USH2A: variants seen among roughly 807,000 people sequenced by gnomAD.
USH2A encodes the protein usherin, also known as Usher syndrome 2A (autosomal recessive, mild).
USH2A carries 443 observed loss-of-function variants against 538.9 expected under a neutral mutation model. The observed-to-expected ratio is 0.82, with a 90% CI of 0.76 to 0.89. The LOEUF (loss-of-function observed/expected upper bound fraction) is 0.89. USH2A is among the 40% of genes least tolerant of loss of function. The probability of loss-of-function intolerance (pLI) is 0.00; values close to 1 mark genes in which losing one functional copy is unlikely to be tolerated. For missense variants in USH2A, 6,633 were observed against 6,324.8 expected (o/e 1.05, Z -1.65); for synonymous variants, 2,413 against 2,273.5 (o/e 1.06, Z -1.75).
At chr1:216,113,137 T>TAAAAAAAAAAAAAAAA (rs71159901) in intron 21 of USH2A, among the ~76,000 whole-genome samples, 3 of 127,582 alleles carry the variant, frequency 2.4e-5, no homozygotes, top group Non-Finnish European at 1.7e-5. Flanking sequence ...CTCCAAATGA[T>TAAAAAAAAAAAAAAAA]AAAAAAAAAA....
chr1:216,421,307 GT>G (rs1268344272), intron 2 of USH2A, among the ~76,000 whole-genome samples: 1 of 152,068 alleles, frequency 6.6e-6, no homozygotes. Context: ...AAAGCTATAT[GT>G]TTTTAGAGAT....
At position 215,743,258 on chromosome 1, in the gene USH2A, C is replaced by T. The variant is rs142481947; in HGVS notation, c.11467G>A (p.Val3823Ile). 2.0e-4 allele frequency: 329 copies of T among 1,611,654 alleles called. No homozygotes were observed. In the African/African-American group the frequency reaches 3.6e-3, roughly 18 times the overall value. The change falls in exon 59 of 72, where the codon GTT (valine) becomes ATT (isoleucine). Residue 3823 changes from valine (V) to isoleucine (I), a missense_variant. Val to Ile is a conservative substitution (Grantham distance 29, BLOSUM62 3). Transcript: ENST00000307340. ...AGAAGGGTGGATTGATGATGACCAA[C>T]GGAGAAGGCCAGAGGTGTTACACTT... ...DGSVTPLAFS[V>I]GHHQSTLLEN...
chr1:216,066,862 C>T (rs572171638), intron 30 of USH2A, among the ~76,000 whole-genome samples: 34 of 152,212 alleles, frequency 2.2e-4, no homozygotes, highest in South Asian at 1.2e-3. Flanking sequence ...GGAACTTATC[C>T]ACAGGGAAGG....
chr1:215,637,563 C>A (rs1656534138), intron 69 of USH2A, among the ~76,000 whole-genome samples: 1 of 152,116 alleles, frequency 6.6e-6, no homozygotes, highest in South Asian at 2.1e-4. Flanking sequence ...GAGTTGCTAA[C>A]AGAATACTAA....
intron 23 of USH2A, 118 bp from the exon 24 acceptor site, chr1:216,086,938 C>T: frequency 1.3e-6 from 1 of 741,586 alleles, no homozygotes; most frequent in Non-Finnish European, 2.4e-6. Flanking sequence ...TTTCCTCTCT[C>T]CTCATTGCCT....
At chr1:215,911,389 A>G (rs1665777816) in intron 38 of USH2A, among the ~76,000 whole-genome samples, 1 of 151,432 alleles carries the variant, frequency 6.6e-6, no homozygotes, top group Admixed American at 6.6e-5. Flanking sequence ...CCATCCTTCT[A>G]CTCTCTAAAC....
At chr1:215,763,638 A>G (rs772410266) in intron 56 of USH2A, among the ~76,000 whole-genome samples, 2 of 152,144 alleles carry the variant, frequency 1.3e-5, no homozygotes, top group African/African-American at 2.4e-5. Flanking sequence ...GGAGATATGG[A>G]TGTATGTCTT....
chr1:216,201,745 C>A (rs999341977), intron 16 of USH2A: 4 of 224,552 alleles, frequency 1.8e-5, no homozygotes, highest in Middle Eastern at 5.0e-4. Context: ...TCAGAGATGA[C>A]CCTGATAGAG....
intron 61 of USH2A, among the ~76,000 whole-genome samples, chr1:215,691,637 T>C (rs1658615739): frequency 6.6e-6 from 1 of 152,166 alleles, no homozygotes; most frequent in Non-Finnish European, 1.5e-5. Context: ...CCTTCTAACA[T>C]ACCATATTTT....
intron 56 of USH2A, among the ~76,000 whole-genome samples, chr1:215,765,315 C>G (rs534120179): frequency 1.3e-5 from 2 of 152,092 alleles, no homozygotes; most frequent in African/African-American, 4.8e-5. Context: ...ATGAAACATT[C>G]TTTATATAGA....
At chr1:216,286,592 T>C (rs1427708091) in intron 11 of USH2A, among the ~76,000 whole-genome samples, 3 of 152,114 alleles carry the variant, frequency 2.0e-5, no homozygotes, top group Admixed American at 2.0e-4. Context: ...GGCATGGTGG[T>C]GAGCATCTGC....
At chr1:216,048,986 A>C (rs111330696) in intron 30 of USH2A, among the ~76,000 whole-genome samples, 3 of 152,318 alleles carry the variant, frequency 2.0e-5, no homozygotes, top group African/African-American at 7.2e-5. Flanking sequence ...ATATTATCTC[A>C]TTCCAGGATC....
At chr1:216,079,312 T>C (rs923597950) in intron 26 of USH2A, 9 of 152,134 alleles carry the variant, frequency 5.9e-5, no homozygotes, top group African/African-American at 2.2e-4. Flanking sequence ...AGTCATACTG[T>C]CTAGTAGCAG....
At chr1:215,766,443 A>G (rs1235235351) in intron 56 of USH2A, among the ~76,000 whole-genome samples, 2 of 152,172 alleles carry the variant, frequency 1.3e-5, no homozygotes, top group Non-Finnish European at 2.9e-5. Flanking sequence ...AATTTCAATA[A>G]TTCTTCTTTC....
chr1:215,964,139 C>T (rs959010329), intron 37 of USH2A, among the ~76,000 whole-genome samples: 1 of 152,058 alleles, frequency 6.6e-6, no homozygotes, highest in Non-Finnish European at 1.5e-5. Flanking sequence ...AGATTAAACA[C>T]GAGGGGGAAT....
Position 215,674,633 on chromosome 1 carries a change from A to T in USH2A, c.13278T>A (p.Asn4426Lys). The T allele has an allele frequency of 6.2e-7, 1 of 1,614,172 alleles. No individual in the cohort carries two copies. Residue 4426 changes from asparagine (N) to lysine (K), a missense_variant, in exon 63 of 72, where the codon AAT becomes AAA. Physicochemically the swap from Asn to Lys is moderately conservative, Grantham distance 94. Transcript: ENST00000307340. ...TTGACACACTAGCTGTGCAACCTCC[A>T]TTCGTGCAGGCTACAAGGGAGAAGT... is the stretch of plus-strand genomic sequence containing the variant. Reference protein sequence around the residue: ...QYNFSLVACTNGGCTASVSKS... With the variant: ...QYNFSLVACTKGGCTASVSKS...
intron 3 of USH2A, among the ~76,000 whole-genome samples, chr1:216,416,922 G>T (rs149661707): frequency 6.6e-6 from 1 of 152,038 alleles, no homozygotes; most frequent in Non-Finnish European, 1.5e-5. Context: ...CTATTTCTAC[G>T]TTTTTAATAT....
intron 37 of USH2A, among the ~76,000 whole-genome samples, chr1:215,939,750 G>T (rs1236808079): frequency 6.6e-6 from 1 of 151,978 alleles, no homozygotes; most frequent in Non-Finnish European, 1.5e-5. Context: ...GAATTTTAAT[G>T]CACCATATAT....
At chr1:216,072,820 C>T (rs2102548451) in intron 29 of USH2A, 69 bp downstream of exon 29, 1 of 1,448,908 alleles carries the variant, frequency 6.9e-7, no homozygotes, top group Non-Finnish European at 9.7e-7. Context: ...ATAGTCCTTC[C>T]TTTTATATAA....
Sources: gnomAD v4.1 joint callset for allele counts (sites outside exome capture counted in the v4.1 genomes callset) on GRCh38, gnomAD v4.1.1 for gene constraint, MANE v1.5 for transcripts, NCBI Gene and HGNC (gene_info 2026-07-23, HGNC 2026-07-21) for gene names.